Variants in ROCK1 observed in about 807,000 individuals in gnomAD.
ROCK1 encodes the protein rho-associated protein kinase 1.
Under a neutral mutation model 196.8 loss-of-function variants are expected in ROCK1, and 36 were observed. The observed-to-expected ratio is 0.18, with a 90% CI of 0.14 to 0.24. The LOEUF is 0.24. ROCK1 is among the 10% of genes least tolerant of loss of function. The pLI is 1.00. For synonymous variants in ROCK1, 443 were observed against 515.9 expected (o/e 0.86, Z 1.91); for missense variants, 920 against 1,562.0 (o/e 0.59, Z 6.93).
intron 2 of ROCK1, among the ~76,000 whole-genome samples, chr18:21,056,546 C>G (rs1455733328): frequency 2.0e-5 from 3 of 152,160 alleles, no homozygotes. Flanking sequence ...ACCAAGTCAC[C>G]ATCATCTCTT....
intron 27 of ROCK1, among the ~76,000 whole-genome samples, chr18:20,962,459 T>G (rs1472433349): frequency 6.6e-6 from 1 of 152,224 alleles, no homozygotes; most frequent in Non-Finnish European, 1.5e-5. Context: ...AAAATTTGTA[T>G]GCCAAAATAC....
At chr18:21,088,816 A>G (rs993319732) in intron 1 of ROCK1, among the ~76,000 whole-genome samples, 1 of 152,066 alleles carries the variant, frequency 6.6e-6, no homozygotes, top group African/African-American at 2.4e-5. Context: ...TCCCTTCTGG[A>G]GGATGCAGCT....
chr18:20,965,105 G>A (rs1291703159), intron 27 of ROCK1, among the ~76,000 whole-genome samples: 1 of 152,166 alleles, frequency 6.6e-6, no homozygotes, highest in Non-Finnish European at 1.5e-5. Context: ...AATAGAGCAA[G>A]GTCGGCCAGG....
At chr18:21,048,626 T>A (rs1201139536) in intron 4 of ROCK1, among the ~76,000 whole-genome samples, 5 of 152,262 alleles carry the variant, frequency 3.3e-5, no homozygotes, top group Non-Finnish European at 5.9e-5. Context: ...CACGGCTCAC[T>A]ATAGCCTCGA....
intron 12 of ROCK1, among the ~76,000 whole-genome samples, chr18:21,017,253 G>A (rs1463870229): frequency 6.5e-5 from 9 of 139,412 alleles, no homozygotes; most frequent in Non-Finnish European, 1.1e-4. Flanking sequence ...GTGCAGCAGC[G>A]CAATCTCAGC....
At chr18:20,978,773 G>A (rs993106715) in intron 22 of ROCK1, among the ~76,000 whole-genome samples, 2 of 152,180 alleles carry the variant, frequency 1.3e-5, no homozygotes, top group African/African-American at 4.8e-5. Flanking sequence ...GAGGTGGGGA[G>A]GAAAGAAGGC....
At chr18:21,021,383 T>G (rs2035911624) in intron 11 of ROCK1, among the ~76,000 whole-genome samples, 1 of 151,916 alleles carries the variant, frequency 6.6e-6, no homozygotes, top group Non-Finnish European at 1.5e-5. Context: ...TGTTAATAAT[T>G]GAAAGTGAGC....
chr18:21,083,676 C>T (rs891692763), intron 1 of ROCK1, among the ~76,000 whole-genome samples: 1 of 151,800 alleles, frequency 6.6e-6, no homozygotes, highest in Non-Finnish European at 1.5e-5. Context: ...TTTTCTCTTC[C>T]TTATGATTTT....
chr18:20,956,635 A>G (rs918796266), intron 29 of ROCK1, among the ~76,000 whole-genome samples: 2 of 152,200 alleles, frequency 1.3e-5, no homozygotes, highest in Non-Finnish European at 2.9e-5. Context: ...AGCCAACCTG[A>G]CCTAAACATC....
chr18:21,085,167 T>C (rs192832491), intron 1 of ROCK1, among the ~76,000 whole-genome samples: 137 of 152,154 alleles, frequency 9.0e-4, no homozygotes, highest in Non-Finnish European at 1.7e-3. Flanking sequence ...TGCAAACAGA[T>C]ACTGGTGAAA....
intron 1 of ROCK1, among the ~76,000 whole-genome samples, chr18:21,082,616 C>A (rs1209134422): frequency 6.6e-6 from 1 of 152,044 alleles, no homozygotes; most frequent in Non-Finnish European, 1.5e-5. Context: ...AAATGTTCAA[C>A]AAAATTCAAC....
chr18:20,970,193 A>T (rs879727798), intron 23 of ROCK1, 155 bp downstream of exon 23: 11 of 525,170 alleles, frequency 2.1e-5, no homozygotes, highest in Non-Finnish European at 3.3e-5. Context: ...AATGTTTGGT[A>T]TTATACAAAC....
At chr18:21,057,986 A>G (rs938163473) in intron 2 of ROCK1, among the ~76,000 whole-genome samples, 9 of 152,234 alleles carry the variant, frequency 5.9e-5, no homozygotes, top group Non-Finnish European at 1.3e-4. Flanking sequence ...TCATATACAT[A>G]GAGTATTAGG....
intron 27 of ROCK1, among the ~76,000 whole-genome samples, chr18:20,963,787 T>G (rs2035348651): frequency 6.6e-6 from 1 of 152,084 alleles, no homozygotes; most frequent in South Asian, 2.1e-4. Context: ...CCCATAACCG[T>G]AAGGGTAATC....
chr18:20,968,921 C>T, intron 24 of ROCK1, 61 bp from the exon 25 acceptor site: 1 of 1,111,114 alleles, frequency 9.0e-7, no homozygotes, highest in Non-Finnish European at 1.4e-6. Flanking sequence ...GCATTTCAAA[C>T]TAACAATGTC....
At chr18:20,997,255 T>A (rs1439370790) in intron 16 of ROCK1, among the ~76,000 whole-genome samples, 2 of 151,806 alleles carry the variant, frequency 1.3e-5, no homozygotes, top group African/African-American at 4.8e-5. Flanking sequence ...AAGGTACACA[T>A]AGACATACAC....
At chr18:21,049,333 T>C (rs2143517151) in intron 3 of ROCK1, 104 bp from the exon 4 acceptor site, 1 of 865,206 alleles carries the variant, frequency 1.2e-6, no homozygotes, top group Non-Finnish European at 1.7e-6. Flanking sequence ...CTAAATAATT[T>C]AGCCTTACTG....
At chr18:21,011,786 ACTCT>A (rs2035819952) in intron 13 of ROCK1, among the ~76,000 whole-genome samples, 1 of 151,910 alleles carries the variant, frequency 6.6e-6, no homozygotes, top group African/African-American at 2.4e-5. Flanking sequence ...ATGACCCATT[ACTCT>A]CTGTTTATAA....
At chr18:20,997,983 C>T (rs2035687457) in intron 16 of ROCK1, among the ~76,000 whole-genome samples, 1 of 151,890 alleles carries the variant, frequency 6.6e-6, no homozygotes, top group Non-Finnish European at 1.5e-5. Flanking sequence ...ACTACAGGTG[C>T]CTGCAACCAC....
Sources: gnomAD v4.1 joint callset for allele counts (sites outside exome capture counted in the v4.1 genomes callset) on GRCh38, gnomAD v4.1.1 for gene constraint, MANE v1.5 for transcripts, NCBI Gene and HGNC (gene_info 2026-07-23, HGNC 2026-07-21) for gene names.